The following HACD2 variants were observed in gnomAD, a reference collection of about 807,000 sequenced individuals.
HACD2 encodes very-long-chain (3R)-3-hydroxyacyl-CoA dehydratase 2.
In HACD2, 15 loss-of-function variants were observed where a neutral mutation model predicts 31.0. That is an observed-to-expected ratio of 0.48 (90% confidence interval 0.32 to 0.75). The LOEUF is 0.75. HACD2 is among the 30% of genes least tolerant of loss of function. HACD2 has a pLI of 0.03. For missense variants in HACD2, 283 were observed against 313.0 expected (o/e 0.90, Z 0.72); for synonymous variants, 115 against 122.2 (o/e 0.94, Z 0.39).
At chr3:123,502,520 A>G in intron 5 of HACD2, 40 bp downstream of exon 5, 2 of 1,597,544 alleles carry the variant, frequency 1.3e-6, no homozygotes, top group Non-Finnish European at 1.7e-6. Flanking sequence ...TCAATGACAG[A>G]TCATTTCAAA....
At chr3:123,529,623 A>G (rs2056327652) in intron 3 of HACD2, among the ~76,000 whole-genome samples, 1 of 152,096 alleles carries the variant, frequency 6.6e-6, no homozygotes, top group Admixed American at 6.6e-5. Context: ...AGTTCTAGGG[A>G]GGCTGAGGCA....
At chr3:123,566,436 G>A (rs752867620) in intron 3 of HACD2, among the ~76,000 whole-genome samples, 5 of 151,728 alleles carry the variant, frequency 3.3e-5, no homozygotes, top group Non-Finnish European at 5.9e-5. Context: ...AGGCATGCAC[G>A]ACCACACCTG....
At position 123,491,757 on chromosome 3, in the gene HACD2, TTA is replaced by T. The variant is rs2055765207; in HGVS notation, c.*3129_*3130del. ...TATATAATTTTAGTGAATCAAAGAC[TTA>T]TAAAATTACAATTTTGGTTTTCACA... On this transcript the variant is annotated 3_prime_UTR_variant, in exon 7 of 7. Coordinates refer to ENST00000383657, the MANE Select transcript of HACD2 (RefSeq NM_198402.5). 6.6e-6 allele frequency: 1 copy of T among 152,606 alleles called. No individual in the cohort carries two copies. Among genetic ancestry groups the T allele is most frequent in the Non-Finnish European group, 1.5e-5 (1 of 68,014 alleles). 9.5% of individuals were successfully genotyped at this position (152,606 alleles called of 1,614,324 possible).
At chr3:123,502,029 G>T (rs2055908539) in intron 5 of HACD2, among the ~76,000 whole-genome samples, 1 of 152,140 alleles carries the variant, frequency 6.6e-6, no homozygotes, top group African/African-American at 2.4e-5. Context: ...TGAACTACTA[G>T]CCTTTTACCA....
At chr3:123,510,933 TTTTTTTTTTTTG>T (rs1021246112) in intron 4 of HACD2, among the ~76,000 whole-genome samples, 3 of 866 alleles carry the variant, frequency 3.5e-3, no homozygotes, top group African/African-American at 3.9e-3. Context: ...ATTTGCTGTG[TTTTTTTTTTTTG>T]TTTTTTTTTG....
At chr3:123,502,780 C>T (rs1257410482) in intron 4 of HACD2, 99 bp from the exon 5 acceptor site, 26 of 1,272,768 alleles carry the variant, frequency 2.0e-5, no homozygotes, top group Middle Eastern at 1.9e-4. Context: ...TCGGCACAGC[C>T]GCTGGTCTCT....
intron 2 of HACD2, among the ~76,000 whole-genome samples, chr3:123,574,958 T>G (rs550841151): frequency 6.6e-6 from 1 of 152,334 alleles, no homozygotes; most frequent in South Asian, 2.1e-4. Flanking sequence ...TTTATCCTCC[T>G]TCCCACTTCA....
intron 4 of HACD2, among the ~76,000 whole-genome samples, chr3:123,521,853 CGCTT>C (rs1462368683): frequency 1.3e-5 from 2 of 152,168 alleles, no homozygotes; most frequent in African/African-American, 2.4e-5. Context: ...TTTAAGAAGA[CGCTT>C]GCTTGCTTGC....
At chr3:123,571,491 C>T (rs546050024) in intron 2 of HACD2, among the ~76,000 whole-genome samples, 1 of 152,312 alleles carries the variant, frequency 6.6e-6, no homozygotes, top group South Asian at 2.1e-4. Context: ...CAGCAGGCCA[C>T]TCTGGCTTTG....
At chr3:123,563,709 T>C (rs372885097) in intron 3 of HACD2, among the ~76,000 whole-genome samples, 2 of 151,742 alleles carry the variant, frequency 1.3e-5, no homozygotes. Context: ...TGTTATGAAA[T>C]ATGAATATAC....
At chr3:123,520,119 A>G (rs1210910291) in intron 4 of HACD2, among the ~76,000 whole-genome samples, 1 of 152,224 alleles carries the variant, frequency 6.6e-6, no homozygotes, top group Non-Finnish European at 1.5e-5. Context: ...CTGACTCACC[A>G]TCTAACCAAT....
chr3:123,555,321 T>C (rs888113416), intron 3 of HACD2, among the ~76,000 whole-genome samples: 1 of 152,062 alleles, frequency 6.6e-6, no homozygotes, highest in African/African-American at 2.4e-5. Flanking sequence ...GATATGATTA[T>C]CTATATAGAA....
chr3:123,582,916 G>A (rs182290244), intron 1 of HACD2, among the ~76,000 whole-genome samples: 5 of 152,030 alleles, frequency 3.3e-5, no homozygotes, highest in Admixed American at 2.0e-4. Flanking sequence ...TACAAACCAC[G>A]AAACAGGAAA....
At chr3:123,547,224 C>T (rs2056570244) in intron 3 of HACD2, among the ~76,000 whole-genome samples, 1 of 152,084 alleles carries the variant, frequency 6.6e-6, no homozygotes, top group Admixed American at 6.6e-5. Flanking sequence ...CGCCTTCCTC[C>T]ACACAGATTA....
At chr3:123,548,755 T>G (rs750315659) in intron 3 of HACD2, among the ~76,000 whole-genome samples, 2 of 151,790 alleles carry the variant, frequency 1.3e-5, no homozygotes, top group Non-Finnish European at 2.9e-5. Flanking sequence ...TCTGAGTAGC[T>G]GGAACCACAG....
At position 123,577,120 on chromosome 3, in the gene HACD2, T is replaced by C. The variant is rs1433294415; in HGVS notation, c.273+5092A>G. On this transcript the variant is annotated intron_variant, in intron 2 of 6. Transcript: ENST00000383657. ...TAAGGGGTTTCAAGTAGAAGAAAGA[T>C]CTGGAAGAGAATGGGAAGAAAAGGG... Among the ~76,000 whole-genome samples, 26 of 152,108 alleles carry C rather than the reference T, an allele frequency of 1.7e-4. 1 individual carries two copies. Among genetic ancestry groups the C allele is most frequent in the Admixed American group, 1.7e-3 (26 of 15,272 alleles).
intron 3 of HACD2, among the ~76,000 whole-genome samples, chr3:123,561,207 G>A (rs1018730300): frequency 6.6e-6 from 1 of 152,108 alleles, no homozygotes; most frequent in Admixed American, 6.5e-5. Context: ...CTTCCTACCT[G>A]GCAACCTTTG....
At chr3:123,526,730 T>C (rs923403778) in intron 4 of HACD2, among the ~76,000 whole-genome samples, 1 of 152,216 alleles carries the variant, frequency 6.6e-6, no homozygotes. Flanking sequence ...AGCATGGTTA[T>C]GGAGGATGAC....
chr3:123,549,665 T>C (rs187775024), intron 3 of HACD2, among the ~76,000 whole-genome samples: 1 of 152,270 alleles, frequency 6.6e-6, no homozygotes, highest in African/African-American at 2.4e-5. Context: ...GAAAGATTGC[T>C]TGAGCCTGGG....
Sources: allele counts gnomAD v4.1 joint callset (sites outside exome capture counted in the v4.1 genomes callset), GRCh38; gene constraint gnomAD v4.1.1; transcripts MANE v1.5; gene names NCBI Gene and HGNC (gene_info 2026-07-23, HGNC 2026-07-21).